Variants in TNFRSF13B observed in about 807,000 individuals in gnomAD.
TNFRSF13B encodes the protein tumor necrosis factor receptor superfamily member 13B.
Under a neutral mutation model 24.0 loss-of-function variants are expected in TNFRSF13B, and 34 were observed. The observed-to-expected ratio is 1.41, with a 90% CI of 1.08 to 1.88. The LOEUF (loss-of-function observed/expected upper bound fraction) is 1.88, where lower values mean the gene tolerates loss of function less well. Among genes scored for constraint, TNFRSF13B ranks in the 40% most tolerant of loss-of-function variants. The probability of loss-of-function intolerance (pLI) is 0.00; values close to 1 mark genes in which losing one functional copy is unlikely to be tolerated. For missense variants in TNFRSF13B, 415 were observed against 380.8 expected, an observed-to-expected ratio of 1.09 and a Z score of -0.75; for synonymous variants, 173 against 150.3, an observed-to-expected ratio of 1.15 and a Z score of -1.10.
chr17:16,949,894 C>T (rs1394739604), intron 2 of TNFRSF13B, among the ~76,000 whole-genome samples: 2 of 152,028 alleles, frequency 1.3e-5, no homozygotes, highest in African/African-American at 2.4e-5. Flanking sequence ...CCGTGTTGGC[C>T]AGGCTGGTCG....
At chr17:16,958,182 T>C (rs765019941) in intron 1 of TNFRSF13B, among the ~76,000 whole-genome samples, 2 of 152,046 alleles carry the variant, frequency 1.3e-5, no homozygotes, top group Admixed American at 6.5e-5. Flanking sequence ...TAGGACGTCA[T>C]AAGTTTAAGA....
Position 16,939,742 on chromosome 17 carries a change from G to A in TNFRSF13B, c.687C>T (p.Thr229=). ...TGCACTCAGGGAAGCAGAAGCTGCAGGTCTCCACTGGCTCGGGGGATGTGC... is the reference window on the plus strand; with the variant it reads ...TGCACTCAGGGAAGCAGAAGCTGCAAGTCTCCACTGGCTCGGGGGATGTGC... ...PVSTSPEPVE[T]CSFCFPECRA... The change falls in exon 5 of 5, where the codon ACC becomes ACT. Residue 229 remains threonine, a synonymous_variant. Coordinates refer to ENST00000261652, the MANE Select transcript of TNFRSF13B (RefSeq NM_012452.3). 6.2e-7 allele frequency: 1 copy of A among 1,608,814 alleles called. No individual in the cohort carries two copies. Among genetic ancestry groups the A allele is most frequent in the Non-Finnish European group, 8.5e-7 (1 of 1,176,688 alleles).
chr17:16,944,446 C>T (rs962261668), intron 3 of TNFRSF13B, among the ~76,000 whole-genome samples: 8 of 152,164 alleles, frequency 5.3e-5, no homozygotes, highest in Non-Finnish European at 8.8e-5. Flanking sequence ...CAGAGAGGGT[C>T]GGTAGCTTGC....
intron 3 of TNFRSF13B, among the ~76,000 whole-genome samples, chr17:16,941,644 T>A (rs921928766): frequency 6.6e-6 from 1 of 152,216 alleles, no homozygotes; most frequent in African/African-American, 2.4e-5. Flanking sequence ...TCAAATTTGC[T>A]GTATTAAAGT....
chr17:16,954,411 G>A (rs1017738629), intron 1 of TNFRSF13B, among the ~76,000 whole-genome samples: 5 of 151,970 alleles, frequency 3.3e-5, no homozygotes, highest in Non-Finnish European at 7.4e-5. Flanking sequence ...AAAGACCAGG[G>A]GCCTCTCATT....
At chr17:16,948,136 G>A (rs57382045) in intron 3 of TNFRSF13B, among the ~76,000 whole-genome samples, 18,946 of 152,030 alleles carry the variant, frequency 0.12, 1,362 homozygotes, top group East Asian at 0.4. Flanking sequence ...GCTAAGTGTC[G>A]AATACAGATG....
At chr17:16,969,577 C>T (rs557752024) in intron 1 of TNFRSF13B, among the ~76,000 whole-genome samples, 78 of 152,308 alleles carry the variant, frequency 5.1e-4, no homozygotes, top group Middle Eastern at 6.8e-3. Context: ...TTGGGGTCAT[C>T]AAAATCTTCC....
Position 16,940,368 on chromosome 17 carries a change from G to A in TNFRSF13B, c.589C>T (p.Pro197Ser). ...GGACTTTGACGGGGCCTTGAGCGGGGCTGGCAGGAGCAGGGATCCCCCCTC... is the reference window on the plus strand; with the variant it reads ...GGACTTTGACGGGGCCTTGAGCGGGACTGGCAGGAGCAGGGATCCCCCCTC... ...KKRGDPCSCQ[P>S]RSRPRQSPAK... The change falls in exon 4 of 5, where the codon CCC (proline) becomes TCC (serine). Residue 197 changes from proline to serine, a missense_variant. By Grantham distance (74) the Pro-to-Ser change is moderately conservative. Transcript: ENST00000261652. 6.2e-7 allele frequency: 1 copy of A among 1,613,942 alleles called. No individual in the cohort carries two copies. The highest frequency in any genetic ancestry group is 1.7e-5 in the Admixed American group (1 of 60,012).
intron 1 of TNFRSF13B, among the ~76,000 whole-genome samples, chr17:16,954,796 G>T (rs1291117613): frequency 1.3e-5 from 2 of 152,210 alleles, no homozygotes; most frequent in Non-Finnish European, 2.9e-5. Flanking sequence ...CAAGGCAGGT[G>T]CCAGTCCCTC....
chr17:16,960,540 C>T (rs796740227), intron 1 of TNFRSF13B, among the ~76,000 whole-genome samples: 7 of 152,242 alleles, frequency 4.6e-5, no homozygotes, highest in African/African-American at 1.7e-4. Flanking sequence ...ATAAATGATG[C>T]TGAAAAAATT....
intron 1 of TNFRSF13B, among the ~76,000 whole-genome samples, chr17:16,965,603 A>G (rs1339835552): frequency 6.6e-6 from 1 of 152,160 alleles, no homozygotes; most frequent in Non-Finnish European, 1.5e-5. Flanking sequence ...ACTGAGTTTC[A>G]GCAGCAGCTC....
intron 1 of TNFRSF13B, among the ~76,000 whole-genome samples, chr17:16,961,228 G>C (rs2087660259): frequency 6.6e-6 from 1 of 152,218 alleles, no homozygotes; most frequent in African/African-American, 2.4e-5. Context: ...ACAAGACCCA[G>C]TAATTCCACT....
At position 16,940,438 on chromosome 17, in the gene TNFRSF13B, G is replaced by T. The variant is rs151139237; in HGVS notation, c.519C>A (p.Ala173=). The change falls in exon 4 of 5, where the codon GCC becomes GCA. Residue 173 remains alanine (A), a synonymous_variant. Transcript: ENST00000261652. ...VYSTLGLCLC[A]VLCCFLVAVA... ...CCGCCACCAGGAAGCAGCAGAGGAC[G>T]GCACACAGGCAGAGCCCCAGCGTGC... 1.2e-6 allele frequency: 2 copies of T among 1,613,936 alleles called. No individual in the cohort carries two copies. Among genetic ancestry groups the T allele is most frequent in the Non-Finnish European group, 1.7e-6 (2 of 1,180,022 alleles).
intron 1 of TNFRSF13B, among the ~76,000 whole-genome samples, chr17:16,955,329 C>G (rs34562485): frequency 0.038 from 5,760 of 152,276 alleles, 132 homozygotes; most frequent in South Asian, 0.11. Flanking sequence ...AAAACAAGAG[C>G]AGCAACAGTT....
chr17:16,944,184 A>T (rs1567650883), intron 3 of TNFRSF13B, among the ~76,000 whole-genome samples: 1 of 151,938 alleles, frequency 6.6e-6, no homozygotes, highest in Admixed American at 6.5e-5. Context: ...AGAGGAAGGG[A>T]TTTATCCCAG....
At chr17:16,949,913 T>C (rs1217762453) in intron 2 of TNFRSF13B, among the ~76,000 whole-genome samples, 1 of 152,104 alleles carries the variant, frequency 6.6e-6, no homozygotes, top group Non-Finnish European at 1.5e-5. Context: ...CGTGAACTCC[T>C]GACCTCAGGT....
intron 1 of TNFRSF13B, among the ~76,000 whole-genome samples, chr17:16,965,896 T>C (rs2143685269): frequency 1.3e-5 from 2 of 152,332 alleles, no homozygotes; most frequent in Non-Finnish European, 2.9e-5. Flanking sequence ...TTTCTAACTA[T>C]GACCCAAAAT....
intron 3 of TNFRSF13B, chr17:16,941,097 A>G (rs2087506884): frequency 3.3e-6 from 2 of 601,538 alleles, no homozygotes; most frequent in East Asian, 2.3e-4. Flanking sequence ...GATGCCATGT[A>G]GAAGGGTGTT....
At chr17:16,969,684 A>G (rs1330340122) in intron 1 of TNFRSF13B, among the ~76,000 whole-genome samples, 1 of 152,234 alleles carries the variant, frequency 6.6e-6, no homozygotes, top group Non-Finnish European at 1.5e-5. Flanking sequence ...CATGTAAGTT[A>G]TATGTAAATA....
Sources: gnomAD v4.1 joint callset for allele counts (sites outside exome capture counted in the v4.1 genomes callset) on GRCh38, gnomAD v4.1.1 for gene constraint, MANE v1.5 for transcripts, NCBI Gene and HGNC (gene_info 2026-07-23, HGNC 2026-07-21) for gene names.